Variants in SUGCT observed in about 807,000 individuals in gnomAD.
SUGCT encodes succinyl-CoA:glutarate-CoA transferase, also known as succinyl-CoA:glutarate CoA-transferase.
SUGCT carries 41 observed loss-of-function variants against 55.0 expected under a neutral mutation model. The ratio of observed to expected loss-of-function variants is 0.74; its 90% CI spans 0.58 to 0.97. SUGCT has a LOEUF of 0.97. Among genes scored for constraint, SUGCT ranks in the 50% least tolerant of loss-of-function variants. The pLI, the probability that SUGCT is intolerant of heterozygous loss-of-function variation, is 0.00. For synonymous variants in SUGCT, 187 were observed against 200.4 expected (o/e 0.93, Z 0.56); for missense variants, 568 against 547.8 (o/e 1.04, Z -0.37).
At chr7:40,135,557 G>C (rs1258096272) in intron 1 of SUGCT, among the ~76,000 whole-genome samples, 2 of 152,268 alleles carry the variant, frequency 1.3e-5, no homozygotes, top group Non-Finnish European at 2.9e-5. Context: ...ATTTTATTTA[G>C]AGGATGAAAT....
chr7:40,618,724 A>G (rs962071317), intron 12 of SUGCT, among the ~76,000 whole-genome samples: 3 of 152,168 alleles, frequency 2.0e-5, no homozygotes, highest in Non-Finnish European at 4.4e-5. Flanking sequence ...TGACTTTTAT[A>G]ATTTTTGTTG....
At chr7:40,364,255 T>A (rs1158802157) in intron 9 of SUGCT, among the ~76,000 whole-genome samples, 1 of 152,188 alleles carries the variant, frequency 6.6e-6, no homozygotes, top group African/African-American at 2.4e-5. Context: ...TGATGGGTCT[T>A]GACTCTTTAT....
chr7:40,989,876 GT>G, the SUGCT span, among the ~76,000 whole-genome samples: 1 of 152,168 alleles, frequency 6.6e-6, no homozygotes, highest in South Asian at 2.1e-4. Context: ...TCCAATTCTA[GT>G]TATCTTGCTA....
the SUGCT span, among the ~76,000 whole-genome samples, chr7:40,969,512 G>A: frequency 6.6e-6 from 1 of 152,050 alleles, no homozygotes; most frequent in Non-Finnish European, 1.5e-5. Flanking sequence ...ACCATGCCTG[G>A]CTATTTTATT....
At chr7:40,481,933 C>G (rs1791076084) in intron 11 of SUGCT, among the ~76,000 whole-genome samples, 1 of 152,070 alleles carries the variant, frequency 6.6e-6, no homozygotes, top group African/African-American at 2.4e-5. Flanking sequence ...TCATTTATCT[C>G]TCTTTTTGGC....
intron 12 of SUGCT, among the ~76,000 whole-genome samples, chr7:40,568,310 T>G (rs544935858): frequency 1.3e-5 from 2 of 152,026 alleles, no homozygotes; most frequent in Middle Eastern, 6.8e-3. Flanking sequence ...GAATATTTCT[T>G]TATCAGTGAT....
At chr7:40,139,386 G>A (rs1465660791) in intron 1 of SUGCT, among the ~76,000 whole-genome samples, 5 of 151,950 alleles carry the variant, frequency 3.3e-5, no homozygotes, top group Admixed American at 6.6e-5. Flanking sequence ...TAGCAGAGAC[G>A]GGGGTTTCAC....
chr7:40,674,812 A>G (rs1783874928), intron 12 of SUGCT, among the ~76,000 whole-genome samples: 1 of 152,128 alleles, frequency 6.6e-6, no homozygotes, highest in Admixed American at 6.5e-5. Context: ...ATGTATATCA[A>G]TGATAGTAAA....
rs56656134 is a variant in SUGCT at position 40,324,261 on chromosome 7, A to ATT, written c.816+7407_816+7408insTT. On this transcript the variant is annotated intron_variant, in intron 9 of 13. Coordinates refer to ENST00000335693, the MANE Select transcript of SUGCT (RefSeq NM_001193313.2). ...AATAAATAAATAAATAAATATATAT[A>ATT]TATTTATTTTTTGAGACAGAGTCTT... Among the ~76,000 whole-genome samples the ATT allele has an allele frequency of 1.6e-3, 159 of 99,956 alleles. 10 individuals carry two copies. The highest frequency in any genetic ancestry group is 5.4e-3 in the African/African-American group (137 of 25,168). 65.6% of individuals were successfully genotyped at this position (99,956 alleles called of 152,430 possible).
chr7:40,418,649 T>C (rs2151363109), intron 9 of SUGCT, among the ~76,000 whole-genome samples: 1 of 152,140 alleles, frequency 6.6e-6, no homozygotes, highest in Non-Finnish European at 1.5e-5. Context: ...AGTCATGTGA[T>C]AGAGGAGTAG....
chr7:40,922,561 G>A, the SUGCT span, among the ~76,000 whole-genome samples: 967 of 152,184 alleles, frequency 6.4e-3, 7 homozygotes, highest in African/African-American at 0.022. Context: ...TTAAAAGGAA[G>A]CAAAAAACAC....
chr7:40,565,992 C>CACACACAT (rs1491317958), intron 12 of SUGCT, among the ~76,000 whole-genome samples: 19 of 86,680 alleles, frequency 2.2e-4, no homozygotes, highest in African/African-American at 9.5e-4. Context: ...CACACACACA[C>CACACACAT]GCACACACAC....
the SUGCT span, among the ~76,000 whole-genome samples, chr7:41,022,271 CT>C: frequency 8.5e-5 from 13 of 152,144 alleles, no homozygotes; most frequent in East Asian, 2.5e-3. Context: ...AAATAGAGAC[CT>C]GAAGACAATA....
intron 9 of SUGCT, among the ~76,000 whole-genome samples, chr7:40,323,450 A>T (rs1489857632): frequency 2.0e-5 from 3 of 152,054 alleles, no homozygotes; most frequent in African/African-American, 7.2e-5. Context: ...TCCAGGCTGG[A>T]GTAGTGGTGT....
intron 12 of SUGCT, among the ~76,000 whole-genome samples, chr7:40,512,226 C>T (rs766695457): frequency 2.0e-5 from 3 of 152,156 alleles, no homozygotes; most frequent in Non-Finnish European, 2.9e-5. Context: ...TAGTGGTACA[C>T]TGAAGTGTCA....
chr7:40,957,239 T>C, the SUGCT span, among the ~76,000 whole-genome samples: 1 of 152,150 alleles, frequency 6.6e-6, no homozygotes, highest in African/African-American at 2.4e-5. Context: ...CCACTATTAT[T>C]GTGTGGGAGT....
intron 12 of SUGCT, among the ~76,000 whole-genome samples, chr7:40,604,947 T>C (rs936561104): frequency 1.3e-5 from 2 of 152,126 alleles, no homozygotes; most frequent in African/African-American, 4.8e-5. Context: ...AAGGCTTGGG[T>C]TTGTTGAACA....
At position 40,231,171 on chromosome 7, in the gene SUGCT, A is replaced by G. The variant is rs572952075; in HGVS notation, c.485-6464A>G. On this transcript the variant is annotated intron_variant, in intron 6 of 13. Coordinates refer to ENST00000335693, the MANE Select transcript of SUGCT (RefSeq NM_001193313.2). The stretch of plus-strand genomic sequence containing the variant: ...AGTTGCCAGGAGTCCTCTACCCTCA[A>G]TAGGTTATTTCAGACATCACTGGAG... Among the ~76,000 whole-genome samples the G allele has an allele frequency of 1.5e-4, 23 of 152,324 alleles. 1 individual carries two copies. In the South Asian group the frequency reaches 4.3e-3, roughly 29 times the overall value.
chr7:40,983,286 C>A, the SUGCT span, among the ~76,000 whole-genome samples: 2 of 152,170 alleles, frequency 1.3e-5, no homozygotes, highest in Non-Finnish European at 2.9e-5. Flanking sequence ...CTACTGAACA[C>A]ATCATTCCCT....
Sources: gnomAD v4.1 joint callset for allele counts (sites outside exome capture counted in the v4.1 genomes callset) on GRCh38, gnomAD v4.1.1 for gene constraint, MANE v1.5 for transcripts, NCBI Gene and HGNC (gene_info 2026-07-23, HGNC 2026-07-21) for gene names.